CFAP54: variants seen among roughly 807,000 people sequenced by gnomAD.
The protein encoded by CFAP54 is cilia- and flagella-associated protein 54.
A neutral mutation model predicts 370.4 loss-of-function variants in CFAP54; 290 were observed. The ratio of observed to expected loss-of-function variants is 0.78; its 90% confidence interval spans 0.71 to 0.86. CFAP54 has a LOEUF of 0.86. Ranked by LOEUF, CFAP54 falls within the 40% of genes least tolerant of loss-of-function variation. The pLI is 0.00. For missense variants in CFAP54, 3,399 were observed against 3,528.7 expected (o/e 0.96, Z 0.93); for synonymous variants, 1,206 against 1,236.5 (o/e 0.98, Z 0.52).
At chr12:96,547,477 C>T (rs1447459411) in intron 14 of CFAP54, among the ~76,000 whole-genome samples, 3 of 152,092 alleles carry the variant, frequency 2.0e-5, no homozygotes, top group Admixed American at 6.6e-5. Flanking sequence ...TAAGCCACCG[C>T]ACCTGGCCTC....
At chr12:96,656,260 CT>C (rs1956921529) in intron 36 of CFAP54, among the ~76,000 whole-genome samples, 1 of 152,088 alleles carries the variant, frequency 6.6e-6, no homozygotes, top group Non-Finnish European at 1.5e-5. Context: ...TTGTTTATTT[CT>C]CAATGTTGCC....
intron 66 of CFAP54, among the ~76,000 whole-genome samples, chr12:96,836,656 A>G (rs935518336): frequency 5.3e-5 from 8 of 152,228 alleles, no homozygotes; most frequent in African/African-American, 1.9e-4. Flanking sequence ...CCTGTTGAAC[A>G]TAAATTAGTC....
chr12:96,865,566 GA>G (rs1306988440), intron 67 of CFAP54, among the ~76,000 whole-genome samples: 1 of 152,144 alleles, frequency 6.6e-6, no homozygotes, highest in Admixed American at 6.5e-5. Context: ...GAAATCTAGG[GA>G]AAATGCTCAG....
At chr12:96,774,491 A>G (rs1958495832) in intron 60 of CFAP54, among the ~76,000 whole-genome samples, 1 of 152,068 alleles carries the variant, frequency 6.6e-6, no homozygotes, top group South Asian at 2.1e-4. Flanking sequence ...TTTCCGTTCT[A>G]ATTGATCTGT....
chr12:96,543,132 G>A (rs1251272850), intron 14 of CFAP54, among the ~76,000 whole-genome samples: 1 of 152,194 alleles, frequency 6.6e-6, no homozygotes, highest in Non-Finnish European at 1.5e-5. Context: ...CCCTTGCGTT[G>A]AATCAGGAGG....
At chr12:96,562,467 C>T (rs1181046960) in intron 17 of CFAP54, among the ~76,000 whole-genome samples, 1 of 147,680 alleles carries the variant, frequency 6.8e-6, no homozygotes, top group African/African-American at 2.5e-5. Context: ...CCCTCTGTCA[C>T]CTAGGCTGGA....
At chr12:96,752,786 TAGGC>T in intron 55 of CFAP54, among the ~76,000 whole-genome samples, 1 of 152,302 alleles carries the variant, frequency 6.6e-6, no homozygotes, top group South Asian at 2.1e-4. Context: ...AACAAAACAC[TAGGC>T]TTCATGACCT....
At chr12:96,715,683 CA>C (rs1379786176) in intron 48 of CFAP54, among the ~76,000 whole-genome samples, 1 of 152,124 alleles carries the variant, frequency 6.6e-6, no homozygotes, top group Non-Finnish European at 1.5e-5. Context: ...CTGCATACTT[CA>C]AGGTAATTCA....
intron 48 of CFAP54, among the ~76,000 whole-genome samples, chr12:96,716,935 G>C (rs1218756305): frequency 6.6e-6 from 1 of 152,160 alleles, no homozygotes; most frequent in Non-Finnish European, 1.5e-5. Flanking sequence ...TCATCCCATT[G>C]GGGTTCCTGT....
intron 23 of CFAP54, 39 bp from the exon 24 acceptor site, chr12:96,592,451 C>A (rs7311111): frequency 0.2 from 85,201 of 425,062 alleles, 9,127 homozygotes; most frequent in South Asian, 0.25. Flanking sequence ...CCTGCTAAAT[C>A]AATTTATATT....
chr12:96,869,817 C>A (rs1021685444), intron 67 of CFAP54, among the ~76,000 whole-genome samples: 1 of 151,326 alleles, frequency 6.6e-6, no homozygotes, highest in Non-Finnish European at 1.5e-5. Context: ...TGCCTGTAAT[C>A]CCAGCTACTT....
chr12:96,535,122 G>C (rs1431583533), intron 11 of CFAP54, among the ~76,000 whole-genome samples: 1 of 151,436 alleles, frequency 6.6e-6, no homozygotes, highest in African/African-American at 2.4e-5. Context: ...GCAGTGGCAT[G>C]ATCTTGGCTC....
At chr12:96,728,368 G>C (rs9669049) in intron 50 of CFAP54, among the ~76,000 whole-genome samples, 57,046 of 151,636 alleles carry the variant, frequency 0.38, 11,789 homozygotes, top group East Asian at 0.68. Flanking sequence ...TGGAGGCTTT[G>C]TTTGTTTCTT....
intron 46 of CFAP54, among the ~76,000 whole-genome samples, chr12:96,702,782 T>C (rs528038686): frequency 1.1e-4 from 17 of 152,328 alleles, no homozygotes; most frequent in Non-Finnish European, 1.8e-4. Flanking sequence ...ATAATTAAAA[T>C]AGGTGCCAAT....
intron 17 of CFAP54, among the ~76,000 whole-genome samples, chr12:96,558,230 A>G (rs563604994): frequency 6.6e-6 from 1 of 152,284 alleles, no homozygotes; most frequent in South Asian, 2.1e-4. Context: ...GTAATTTAAA[A>G]ATTGAAAGTT....
chr12:96,513,521 A>G (rs1393855765), intron 5 of CFAP54, among the ~76,000 whole-genome samples: 1 of 152,204 alleles, frequency 6.6e-6, no homozygotes, highest in Non-Finnish European at 1.5e-5. Context: ...CTGGCAGATC[A>G]CTTGAGGCCA....
At chr12:96,687,463 T>C (rs1957341687) in intron 42 of CFAP54, among the ~76,000 whole-genome samples, 1 of 152,184 alleles carries the variant, frequency 6.6e-6, no homozygotes, top group African/African-American at 2.4e-5. Context: ...TATGGAGGGA[T>C]TAGAGGTATA....
intron 17 of CFAP54, among the ~76,000 whole-genome samples, chr12:96,560,785 G>A (rs947395303): frequency 6.6e-6 from 1 of 152,208 alleles, no homozygotes; most frequent in Non-Finnish European, 1.5e-5. Context: ...GGTGCTGTTG[G>A]TGATGTAGGA....
intron 63 of CFAP54, among the ~76,000 whole-genome samples, chr12:96,797,560 C>T (rs1379709765): frequency 6.6e-6 from 1 of 151,974 alleles, no homozygotes; most frequent in Non-Finnish European, 1.5e-5. Context: ...GTGAATTGAA[C>T]ATTTTATCAT....
Sources: allele counts gnomAD v4.1 joint callset (sites outside exome capture counted in the v4.1 genomes callset), GRCh38; gene constraint gnomAD v4.1.1; transcripts MANE v1.5; gene names NCBI Gene and HGNC (gene_info 2026-07-23, HGNC 2026-07-21).